Variants in ARID2 observed in about 807,000 individuals in gnomAD.
The protein encoded by ARID2 is AT-rich interactive domain-containing protein 2.
ARID2 carries 32 observed loss-of-function variants against 184.6 expected under a neutral mutation model. That is an observed-to-expected ratio of 0.17 (90% CI 0.13 to 0.23). The LOEUF (loss-of-function observed/expected upper bound fraction) is 0.23, where lower values mean the gene tolerates loss of function less well. Among genes scored for constraint, ARID2 ranks in the 10% least tolerant of loss-of-function variants. The pLI is 1.00. For synonymous variants in ARID2, 836 were observed against 772.6 expected (o/e 1.08, Z -1.36); for missense variants, 1,696 against 2,197.6 (o/e 0.77, Z 4.56).
chr12:45,834,794 A>C (rs1356554437), intron 6 of ARID2, among the ~76,000 whole-genome samples: 7 of 152,160 alleles, frequency 4.6e-5, no homozygotes, highest in Non-Finnish European at 7.4e-5. Context: ...AAAATATCCC[A>C]TTGTGATTTT....
rs2138179299 is a variant in ARID2, at chr12:45,852,507, C to G, written c.4384C>G (p.Gln1462Glu). The G allele has an allele frequency of 6.2e-7, 1 of 1,614,154 alleles. No homozygotes were observed. Among genetic ancestry groups the G allele is most frequent in the Non-Finnish European group, 8.5e-7 (1 of 1,180,008 alleles). Residue 1462 changes from glutamine (Q) to glutamate (E), a missense_variant, in exon 15 of 21, where the codon CAG (glutamine) becomes GAG (glutamate). Around this residue, in one of 11 missense-constraint regions of ARID2, gnomAD observed 428 missense variants for 409.1 expected, o/e 1.05. Transcript: ENST00000334344. ...TTCAAGTTTGAATTCAGATGTGCCT[C>G]AGCAACGCCCAAGTGTAGTTGTCTC... is the stretch of plus-strand genomic sequence containing the variant. ...LASSLNSDVP[Q>E]QRPSVVVSPH...
rs1455973422 is a variant in ARID2 at position 45,851,640 on chromosome 12, A to G, written c.3517A>G (p.Thr1173Ala). 6.2e-7 allele frequency: 1 copy of G among 1,614,152 alleles called. No homozygotes were observed. Among genetic ancestry groups the G allele is most frequent in the South Asian group, 1.1e-5 (1 of 91,082 alleles). ...CCAAGGGACTTCTGGCAACCAGGTA[A>G]CCATAACAGTTGTGCCAAATACGAG... The part of the protein sequence containing the change: ...IFQGTSGNQV[T>A]ITVVPNTSFA... Residue 1173 changes from threonine (T) to alanine (A), a missense_variant, in exon 15 of 21, where the codon ACC (threonine) becomes GCC (alanine). Thr to Ala is a moderately conservative substitution (Grantham distance 58). Transcript: ENST00000334344.
chr12:45,755,658 TATTA>T (rs1424021632), intron 3 of ARID2, among the ~76,000 whole-genome samples: 2 of 152,208 alleles, frequency 1.3e-5, no homozygotes, highest in Non-Finnish European at 1.5e-5. Flanking sequence ...ACATGTAGCT[TATTA>T]ATTCAGTTTA....
In ARID2 at chr12:45,905,101, G is replaced by C; in HGVS notation, c.*23G>C. On this transcript the variant is annotated 3_prime_UTR_variant, in exon 21 of 21. Transcript: ENST00000334344. Reference sequence around the variant, plus strand: ...TGAAAAATAATTCCACTTACACAGTGGGGGACTCAAAGTCAGCCACATTTC... The same window carrying C: ...TGAAAAATAATTCCACTTACACAGTCGGGGACTCAAAGTCAGCCACATTTC... 1 of 1,606,498 alleles carries C rather than the reference G, an allele frequency of 6.2e-7. No individual in the cohort carries two copies. The highest frequency in any genetic ancestry group is 1.1e-5 in the South Asian group (1 of 89,980).
chr12:45,822,353 A>G (rs1440901556), intron 6 of ARID2, among the ~76,000 whole-genome samples: 7 of 152,016 alleles, frequency 4.6e-5, no homozygotes, highest in Non-Finnish European at 8.8e-5. Context: ...AAAAGTATAT[A>G]TTTTTTACTT....
chr12:45,837,016 C>CTTT (rs2138128942), intron 8 of ARID2, 25 bp downstream of exon 8: 1 of 1,598,518 alleles, frequency 6.3e-7, no homozygotes, highest in East Asian at 2.2e-5. Flanking sequence ...GTACCTTAAA[C>CTTT]TAGTTTTTAT....
At chr12:45,854,215 GC>G (rs1448999612) in intron 15 of ARID2, among the ~76,000 whole-genome samples, 1 of 152,096 alleles carries the variant, frequency 6.6e-6, no homozygotes, top group Non-Finnish European at 1.5e-5. Flanking sequence ...CAAGCTCAGA[GC>G]CCCCAATGAT....
At position 45,852,518 on chromosome 12, in the gene ARID2, A is replaced by C; in HGVS notation, c.4395A>C (p.Pro1465=). The stretch of plus-strand genomic sequence containing the variant: ...ATTCAGATGTGCCTCAGCAACGCCC[A>C]AGTGTAGTTGTCTCACCACATTCTA... ...SLNSDVPQQR[P]SVVVSPHSTT... The change falls in exon 15 of 21, where the codon CCA becomes CCC. Residue 1465 remains proline, a synonymous_variant. Transcript: ENST00000334344. 6.2e-7 allele frequency: 1 copy of C among 1,614,176 alleles called. No individual in the cohort carries two copies. Among genetic ancestry groups the C allele is most frequent in the South Asian group, 1.1e-5 (1 of 91,082 alleles).
chr12:45,811,098 A>G (rs1009895889), intron 3 of ARID2, among the ~76,000 whole-genome samples: 2 of 151,812 alleles, frequency 1.3e-5, no homozygotes, highest in African/African-American at 4.8e-5. Context: ...AGTCCCAGCT[A>G]CCTGGGAGGC....
intron 11 of ARID2, among the ~76,000 whole-genome samples, chr12:45,844,653 G>T (rs917599481): frequency 6.6e-6 from 1 of 152,158 alleles, no homozygotes; most frequent in East Asian, 1.9e-4. Context: ...AGTAGCTAGC[G>T]TTTATATAGT....
chr12:45,755,016 G>A (rs1366762265), intron 3 of ARID2, among the ~76,000 whole-genome samples: 1 of 152,204 alleles, frequency 6.6e-6, no homozygotes, highest in Non-Finnish European at 1.5e-5. Flanking sequence ...GGACTTTTTA[G>A]ATATGAGGAA....
Position 45,850,114 on chromosome 12 carries a change from C to T in ARID2, c.1991C>T (p.Ala664Val), listed in dbSNP as rs576198202. ...GCCAACCAATCTTCAAATCTGACTG[C>T]AACACAAATGTCTTTTCCTGTACAA... ...PVANQSSNLT[A>V]TQMSFPVQGV... is the part of the protein sequence containing the mutation. Residue 664 changes from alanine to valine, a missense_variant, in exon 15 of 21, where the codon GCA becomes GTA. By Grantham distance (64) the Ala-to-Val change is moderately conservative. Around this residue, in one of 11 missense-constraint regions of ARID2, gnomAD observed 713 missense variants for 824.4 expected, o/e 0.86. Coordinates refer to ENST00000334344, the MANE Select transcript of ARID2 (RefSeq NM_152641.4). 1 of 1,614,072 alleles carries T rather than the reference C, an allele frequency of 6.2e-7. No individual in the cohort carries two copies. Among genetic ancestry groups the T allele is most frequent in the Non-Finnish European group, 8.5e-7 (1 of 1,179,968 alleles).
At chr12:45,804,889 T>C (rs575264045) in intron 3 of ARID2, among the ~76,000 whole-genome samples, 1 of 152,258 alleles carries the variant, frequency 6.6e-6, no homozygotes, top group South Asian at 2.1e-4. Context: ...GCTACAAATA[T>C]ATTCGATTTT....
chr12:45,781,934 A>T (rs1055052318), intron 3 of ARID2, among the ~76,000 whole-genome samples: 1 of 152,208 alleles, frequency 6.6e-6, no homozygotes, highest in Non-Finnish European at 1.5e-5. Flanking sequence ...TTTGTGGGCC[A>T]GTTGTGGGAG....
At chr12:45,780,204 A>G (rs1362663628) in intron 3 of ARID2, among the ~76,000 whole-genome samples, 1 of 152,236 alleles carries the variant, frequency 6.6e-6, no homozygotes, top group Non-Finnish European at 1.5e-5. Context: ...ATACAAACTG[A>G]CAATCATCTG....
intron 3 of ARID2, among the ~76,000 whole-genome samples, chr12:45,759,302 A>G (rs1168904057): frequency 2.0e-5 from 3 of 152,192 alleles, no homozygotes; most frequent in African/African-American, 7.2e-5. Context: ...GTATATGTGT[A>G]TATGTGCACA....
intron 11 of ARID2, chr12:45,842,311 A>G (rs1943361057): frequency 6.9e-6 from 1 of 144,256 alleles, no homozygotes; most frequent in Admixed American, 6.7e-5. Context: ...ATATATACAC[A>G]CATGTATATG....
At chr12:45,876,288 C>T (rs184016789) in intron 16 of ARID2, among the ~76,000 whole-genome samples, 22 of 152,334 alleles carry the variant, frequency 1.4e-4, no homozygotes, top group African/African-American at 5.1e-4. Context: ...CAGTGGCTCA[C>T]GCCTGTAATC....
chr12:45,801,667 A>G (rs986362668), intron 3 of ARID2, among the ~76,000 whole-genome samples: 1 of 152,200 alleles, frequency 6.6e-6, no homozygotes, highest in Non-Finnish European at 1.5e-5. Context: ...CATATCAAAT[A>G]AACCCGAATT....
Sources: gnomAD v4.1 joint callset for allele counts (sites outside exome capture counted in the v4.1 genomes callset) on GRCh38, gnomAD v4.1.1 for gene constraint, gnomAD v4.1.1 regional missense constraint, MANE v1.5 for transcripts, NCBI Gene and HGNC (gene_info 2026-07-23, HGNC 2026-07-21) for gene names.